TCF4: variants seen among roughly 807,000 people sequenced by gnomAD.
The protein encoded by TCF4 is SL3-3 enhancer factor 2.
In TCF4, 3 loss-of-function variants were observed where a neutral mutation model predicts 82.1. The ratio of observed to expected loss-of-function variants is 0.04; its 90% confidence interval spans 0.02 to 0.09. The LOEUF (loss-of-function observed/expected upper bound fraction) is 0.09. TCF4 is among the 10% of genes least tolerant of loss of function. The pLI is 1.00. For synonymous variants in TCF4, 276 were observed against 309.6 expected, an observed-to-expected ratio of 0.89 and a Z score of 1.14; for missense variants, 518 against 852.7, an observed-to-expected ratio of 0.61 and a Z score of 4.89.
intron 3 of TCF4, among the ~76,000 whole-genome samples, chr18:55,488,116 TTTATAC>T (rs1208232075): frequency 6.6e-6 from 1 of 152,248 alleles, no homozygotes; most frequent in African/African-American, 2.4e-5. Flanking sequence ...ATTCTCAATA[TTTATAC>T]TTATAACAGA....
At chr18:55,620,976 G>T (rs1478043511) in intron 2 of TCF4, among the ~76,000 whole-genome samples, 1 of 151,972 alleles carries the variant, frequency 6.6e-6, no homozygotes, top group Non-Finnish European at 1.5e-5. Context: ...AAATATTATT[G>T]TTGATAGAGT....
intron 8 of TCF4, chr18:55,332,206 T>C (rs1161057273): frequency 2.0e-5 from 3 of 152,190 alleles, no homozygotes; most frequent in Non-Finnish European, 2.9e-5. Context: ...CCTGATGACG[T>C]AGAAGAAAAC....
chr18:55,446,331 G>A (rs1483626245), intron 5 of TCF4, among the ~76,000 whole-genome samples: 1 of 152,052 alleles, frequency 6.6e-6, no homozygotes, highest in Non-Finnish European at 1.5e-5. Flanking sequence ...AAAATGAAGG[G>A]GAAAAACCCC....
chr18:55,370,961 G>A (rs191932063), intron 6 of TCF4, among the ~76,000 whole-genome samples: 1 of 152,240 alleles, frequency 6.6e-6, no homozygotes, highest in Non-Finnish European at 1.5e-5. Flanking sequence ...TGTGTGGGGG[G>A]AAATGTTATT....
At chr18:55,500,341 GA>G (rs976488199) in intron 3 of TCF4, among the ~76,000 whole-genome samples, 1 of 152,180 alleles carries the variant, frequency 6.6e-6, no homozygotes, top group African/African-American at 2.4e-5. Context: ...AATAGCAGGG[GA>G]AAGGAGTGGA....
rs561442825 is a variant in TCF4 at position 55,554,182 on chromosome 18, A to T, written c.145+31098T>A. Among the ~76,000 whole-genome samples the T allele has an allele frequency of 6.6e-5, 10 of 152,280 alleles. No homozygotes were observed. In the East Asian group the frequency reaches 7.7e-4, roughly 12 times the overall value. Reference sequence around the variant, plus strand: ...TTTTAAAGGATTATAAACATTATATATTAGACTCTTATGGGTAATGCCATT... The same window carrying T: ...TTTTAAAGGATTATAAACATTATATTTTAGACTCTTATGGGTAATGCCATT... On this transcript the variant is annotated intron_variant, in intron 3 of 19. Coordinates refer to ENST00000354452, the MANE Select transcript of TCF4 (RefSeq NM_001083962.2).
At chr18:55,598,683 C>T (rs2097693686) in intron 2 of TCF4, among the ~76,000 whole-genome samples, 1 of 152,210 alleles carries the variant, frequency 6.6e-6, no homozygotes, top group African/African-American at 2.4e-5. Flanking sequence ...TGAAAACGAG[C>T]ATTCAAGAAA....
chr18:55,344,116 G>C (rs2080638660), intron 8 of TCF4, among the ~76,000 whole-genome samples: 1 of 152,150 alleles, frequency 6.6e-6, no homozygotes, highest in Non-Finnish European at 1.5e-5. Flanking sequence ...TCTTCTAAGA[G>C]AATCTTATTT....
At chr18:55,447,538 G>A (rs1371656321) in intron 5 of TCF4, among the ~76,000 whole-genome samples, 1 of 152,100 alleles carries the variant, frequency 6.6e-6, no homozygotes, top group Admixed American at 6.5e-5. Flanking sequence ...AAAAGTACTT[G>A]CTGGGTGAAT....
At chr18:55,377,198 A>C (rs1364374397) in intron 6 of TCF4, among the ~76,000 whole-genome samples, 3 of 152,248 alleles carry the variant, frequency 2.0e-5, no homozygotes, top group Non-Finnish European at 4.4e-5. Flanking sequence ...ATGTAGATAA[A>C]GATGCCCAAT....
intron 3 of TCF4, among the ~76,000 whole-genome samples, chr18:55,476,164 G>A (rs2096283237): frequency 7.3e-6 from 1 of 136,666 alleles, no homozygotes; most frequent in African/African-American, 2.6e-5. Flanking sequence ...GGTTTCCATG[G>A]GCTGACGTAC....
At chr18:55,448,411 G>C (rs2095562947) in intron 5 of TCF4, among the ~76,000 whole-genome samples, 1 of 152,134 alleles carries the variant, frequency 6.6e-6, no homozygotes, top group African/African-American at 2.4e-5. Flanking sequence ...TACACATCCT[G>C]CTCTTTAACT....
At chr18:55,332,463 A>C (rs2077765992) in intron 8 of TCF4, among the ~76,000 whole-genome samples, 1 of 152,242 alleles carries the variant, frequency 6.6e-6, no homozygotes, top group African/African-American at 2.4e-5. Flanking sequence ...ATCATGGACC[A>C]CATGATTACA....
chr18:55,456,880 T>C (rs557852064), intron 5 of TCF4, among the ~76,000 whole-genome samples: 1 of 152,270 alleles, frequency 6.6e-6, no homozygotes, highest in South Asian at 2.1e-4. Context: ...CATCAAATTG[T>C]TTAAAAACTG....
intron 3 of TCF4, among the ~76,000 whole-genome samples, chr18:55,554,063 AT>A (rs889065296): frequency 3.3e-5 from 5 of 152,122 alleles, no homozygotes; most frequent in Admixed American, 6.5e-5. Flanking sequence ...GTCACTCATA[AT>A]TTTTTTAAAA....
intron 13 of TCF4, 94 bp downstream of exon 13, chr18:55,259,855 G>T (rs917126987): frequency 2.8e-6 from 3 of 1,055,002 alleles, no homozygotes; most frequent in Non-Finnish European, 3.0e-6. Context: ...GGATTTGGGG[G>T]GAAGTGAGTT....
intron 8 of TCF4, 45 bp from the exon 9 acceptor site, chr18:55,279,701 C>T (rs2062153397): frequency 6.2e-7 from 1 of 1,612,732 alleles, no homozygotes; most frequent in Non-Finnish European, 8.5e-7. Flanking sequence ...GCATTGACCA[C>T]AGCAGCCCAA....
chr18:55,323,538 C>T (rs1384920972), intron 8 of TCF4, among the ~76,000 whole-genome samples: 5 of 152,174 alleles, frequency 3.3e-5, no homozygotes, highest in South Asian at 2.1e-4. Context: ...TGCATTTATT[C>T]GGAAGGTCCC....
At position 55,251,930 on chromosome 18, in the gene TCF4, G is replaced by GTT. The variant is rs199695068; in HGVS notation, c.1350+2565_1350+2566dup. Among the ~76,000 whole-genome samples, 669 of 101,208 alleles carry GTT rather than the reference G, an allele frequency of 6.6e-3. 12 individuals carry two copies. The highest frequency in any genetic ancestry group is 0.024 in the African/African-American group (638 of 26,816). 66.4% of individuals were successfully genotyped at this position (101,208 alleles called of 152,430 possible). The stretch of plus-strand genomic sequence containing the variant: ...TGTTGTTGTGGGGAAGGGGGATGAG[G>GTT]TTTTTTTTTTTTTTTTTTTGCCTTC... On this transcript the variant is annotated intron_variant, in intron 15 of 19. Coordinates refer to ENST00000354452, the MANE Select transcript of TCF4 (RefSeq NM_001083962.2).
Sources: gnomAD v4.1 joint callset for allele counts (sites outside exome capture counted in the v4.1 genomes callset) on GRCh38, gnomAD v4.1.1 for gene constraint, MANE v1.5 for transcripts, NCBI Gene and HGNC (gene_info 2026-07-23, HGNC 2026-07-21) for gene names.